Variants in JPH2 observed in about 807,000 individuals in gnomAD.
JPH2 encodes junctophilin-2.
In JPH2, 38 loss-of-function variants were observed where a neutral mutation model predicts 55.9. The observed-to-expected ratio is 0.68, with a 90% CI of 0.52 to 0.89. JPH2 has a LOEUF of 0.89. JPH2 is among the 40% of genes least tolerant of loss of function. The pLI, the probability that JPH2 is intolerant of heterozygous loss-of-function variation, is 0.00. For synonymous variants in JPH2, 480 were observed against 472.4 expected (o/e 1.02, Z -0.21); for missense variants, 964 against 1,037.6 (o/e 0.93, Z 0.97).
intron 1 of JPH2, among the ~76,000 whole-genome samples, chr20:44,181,948 G>T (rs1467243109): frequency 2.0e-5 from 3 of 152,140 alleles, no homozygotes; most frequent in Non-Finnish European, 4.4e-5. Context: ...GGTGTAGCGC[G>T]GGGCTAGCTG....
rs746588597 is a variant in JPH2 at position 44,159,582 on chromosome 20, G to A, written c.1169+36C>T. On this transcript the variant is annotated intron_variant, in intron 2 of 5. Transcript: ENST00000372980. The surrounding 1 kb of genome is among the most constrained non-coding windows in gnomAD (Gnocchi z 5.7). ...TGCCCCAGGACCCCCTTCTCCGAGGGGAGGCGACCCCTTCCCACCCCCACC... is the reference window on the plus strand; with the variant it reads ...TGCCCCAGGACCCCCTTCTCCGAGGAGAGGCGACCCCTTCCCACCCCCACC... The A allele has an allele frequency of 6.3e-7, 1 of 1,578,610 alleles. No homozygotes were observed. The highest frequency in any genetic ancestry group is 8.6e-7 in the Non-Finnish European group (1 of 1,168,966).
At chr20:44,163,558 G>C (rs987852489) in intron 1 of JPH2, among the ~76,000 whole-genome samples, 6 of 152,138 alleles carry the variant, frequency 3.9e-5, no homozygotes, top group African/African-American at 1.2e-4. Flanking sequence ...CAATGCCAGG[G>C]GCTCACTAAA....
chr20:44,145,264 T>C (rs569063046), intron 2 of JPH2, among the ~76,000 whole-genome samples: 4 of 152,174 alleles, frequency 2.6e-5, no homozygotes, highest in African/African-American at 9.6e-5. Context: ...CTCCCGAAGG[T>C]GCAGGCTGCT....
intron 1 of JPH2, among the ~76,000 whole-genome samples, chr20:44,179,912 T>C (rs1394125731): frequency 6.6e-6 from 1 of 152,230 alleles, no homozygotes; most frequent in African/African-American, 2.4e-5. Context: ...ATGAGGTTGT[T>C]GTGTGAAGGT....
Position 44,160,315 on chromosome 20 carries a change from GCGAGCGCAC to G in JPH2, c.463_471del (p.Val155_Ser157del). On this transcript the variant is annotated inframe_deletion, in exon 2 of 6. Transcript: ENST00000372980. This position sits in a 1 kb window ranked among gnomAD's most constrained non-coding sequence, Gnocchi z 4.9. ...AGGGACGACAGCGACGTGCGCAGCG[GCGAGCGCAC>G]CACCACGGCCATCCCGTAGGGCACG... 6.4e-7 allele frequency: 1 copy of G among 1,560,766 alleles called. No individual in the cohort carries two copies. The highest frequency in any genetic ancestry group is 8.7e-7 in the Non-Finnish European group (1 of 1,153,858).
chr20:44,117,105 G>T (rs1378945366), intron 3 of JPH2, among the ~76,000 whole-genome samples: 1 of 152,050 alleles, frequency 6.6e-6, no homozygotes, highest in Non-Finnish European at 1.5e-5. Context: ...ATAGTGAAAT[G>T]CTGTCTCTAC....
chr20:44,183,795 A>C (rs1188462499), intron 1 of JPH2, among the ~76,000 whole-genome samples: 1 of 152,330 alleles, frequency 6.6e-6, no homozygotes, highest in South Asian at 2.1e-4. Context: ...CCATGGAATT[A>C]TCCTGCGTCA....
chr20:44,125,932 C>T (rs2145846110), intron 2 of JPH2, among the ~76,000 whole-genome samples: 1 of 151,796 alleles, frequency 6.6e-6, no homozygotes, highest in South Asian at 2.1e-4. Context: ...GCAGTTTTAG[C>T]CTGGGCAACA....
At chr20:44,131,408 A>G (rs1365835299) in intron 2 of JPH2, among the ~76,000 whole-genome samples, 2 of 137,362 alleles carry the variant, frequency 1.5e-5, no homozygotes, top group African/African-American at 5.3e-5. Flanking sequence ...GAGCCAGAGG[A>G]CTCAGCTATA....
At chr20:44,177,952 G>A in intron 1 of JPH2, 4 of 1,290,852 alleles carry the variant, frequency 3.1e-6, no homozygotes, top group Admixed American at 3.4e-5. Context: ...ACCATATTCT[G>A]AGGGCGATTT....
intron 1 of JPH2, among the ~76,000 whole-genome samples, chr20:44,170,785 C>A (rs572796055): frequency 1.1e-4 from 17 of 152,144 alleles, no homozygotes; most frequent in Non-Finnish European, 2.1e-4. Context: ...TAATTTTGCT[C>A]AATATATTGT....
chr20:44,126,462 C>T (rs775528953), intron 2 of JPH2, among the ~76,000 whole-genome samples: 16 of 152,060 alleles, frequency 1.1e-4, no homozygotes, highest in Admixed American at 3.3e-4. Context: ...GGGATGCTTC[C>T]GATGTCACTG....
In JPH2 at chr20:44,187,089, C is replaced by T. The variant is rs1329240899; in HGVS notation, c.-384G>A. The stretch of plus-strand genomic sequence containing the variant: ...GGGGTGGAGGGGTCCCCAGCCTTTT[C>T]AAAGAGGGGAAATTCCCCTCGGTGG... On this transcript the variant is annotated 5_prime_UTR_variant, in exon 1 of 6. Transcript: ENST00000372980. 1.5e-5 allele frequency: 3 copies of T among 204,146 alleles called. No individual in the cohort carries two copies. The highest frequency in any genetic ancestry group is 1.3e-4 in the East Asian group (1 of 7,722). 12.6% of individuals were successfully genotyped at this position (204,146 alleles called of 1,614,324 possible).
chr20:44,144,101 T>C (rs577242499), intron 2 of JPH2, among the ~76,000 whole-genome samples: 24 of 152,204 alleles, frequency 1.6e-4, no homozygotes, highest in South Asian at 1.0e-3. Flanking sequence ...AAGGGGTTAT[T>C]TTTAGAGAGT....
Position 44,159,781 on chromosome 20 carries a change from G to T in JPH2, c.1006C>A (p.Arg336Ser). ...TTGTGGCGGTACTTGCCCTCCTCGC[G>T]GTGGCCGTCGGGCAGCGTGGTGCAG... ...YGCTTLPDGH[R>S]EEGKYRHNVL... Residue 336 changes from arginine (R) to serine (S), a missense_variant, in exon 2 of 6, where the codon CGC (arginine) becomes AGC (serine). Transcript: ENST00000372980. The surrounding 1 kb of genome is among the most constrained non-coding windows in gnomAD (Gnocchi z 5.7). The T allele has an allele frequency of 6.2e-7, 1 of 1,613,164 alleles. No homozygotes were observed. The highest frequency in any genetic ancestry group is 8.5e-7 in the Non-Finnish European group (1 of 1,179,890).
rs1359265511 is a variant in JPH2 at position 44,107,486 on chromosome 20, G to A, written c.*6032C>T. ...AAGTGATGTGTGCTGTTTTCCTGGT[G>A]AAAGTTTTTAGGAAGCAAATTCCAT... On this transcript the variant is annotated 3_prime_UTR_variant, in exon 6 of 6. Transcript: ENST00000372980. 6.6e-6 allele frequency among the ~76,000 whole-genome samples: 1 copy of A among 152,208 alleles called. No homozygotes were observed. The highest frequency in any genetic ancestry group is 1.5e-5 in the Non-Finnish European group (1 of 68,038).
chr20:44,132,392 A>ACACAC lies in JPH2; in HGVS notation c.1170-13774_1170-13770dup, dbSNP rs1555855282. On this transcript the variant is annotated intron_variant, in intron 2 of 5. Coordinates refer to ENST00000372980, the MANE Select transcript of JPH2 (RefSeq NM_020433.5). ...CACACACACACACACACACACACAC[A>ACACAC]CACACACACATTTGGGCTGGTTATT... Among the ~76,000 whole-genome samples, 7 of 145,028 alleles carry ACACAC rather than the reference A, an allele frequency of 4.8e-5. No individual in the cohort carries two copies. The East Asian group carries it at 1.2e-3, about 25-fold the overall frequency.
intron 2 of JPH2, among the ~76,000 whole-genome samples, chr20:44,128,975 T>C (rs1247489824): frequency 6.6e-6 from 1 of 152,194 alleles, no homozygotes; most frequent in East Asian, 1.9e-4. Context: ...CCCTATCTCA[T>C]AAGCTTGTGG....
chr20:44,124,381 G>A (rs754247130), intron 2 of JPH2, among the ~76,000 whole-genome samples: 8 of 152,098 alleles, frequency 5.3e-5, no homozygotes, highest in Non-Finnish European at 1.0e-4. Context: ...CTCCTGCCGC[G>A]ATCCTGGCCT....
Sources: gnomAD v4.1 joint callset for allele counts (sites outside exome capture counted in the v4.1 genomes callset) on GRCh38, gnomAD v4.1.1 for gene constraint, Gnocchi (gnomAD v3.1) non-coding constraint, MANE v1.5 for transcripts, NCBI Gene and HGNC (gene_info 2026-07-23, HGNC 2026-07-21) for gene names.